Variants in PCDH15 observed in about 807,000 individuals in gnomAD.
PCDH15 encodes protocadherin related 15.
Under a neutral mutation model 178.5 loss-of-function variants are expected in PCDH15, and 129 were observed. The ratio of observed to expected loss-of-function variants is 0.72; its 90% CI spans 0.63 to 0.84. The LOEUF (loss-of-function observed/expected upper bound fraction) is 0.84, where lower values mean the gene tolerates loss of function less well. Among genes scored for constraint, PCDH15 ranks in the 40% least tolerant of loss-of-function variants. PCDH15 has a pLI of 0.00. For synonymous variants in PCDH15, 800 were observed against 732.0 expected, an observed-to-expected ratio of 1.09 and a Z score of -1.50; for missense variants, 2,230 against 2,099.9, an observed-to-expected ratio of 1.06 and a Z score of -1.21.
At chr10:53,913,701 G>A (rs1251386562) in intron 25 of PCDH15, among the ~76,000 whole-genome samples, 4 of 150,984 alleles carry the variant, frequency 2.6e-5, no homozygotes, top group African/African-American at 7.3e-5. Flanking sequence ...CCAAGATGGC[G>A]CCACTGCACT....
At chr10:54,210,318 GAA>G (rs1474824568) in intron 10 of PCDH15, among the ~76,000 whole-genome samples, 1 of 152,024 alleles carries the variant, frequency 6.6e-6, no homozygotes, top group Non-Finnish European at 1.5e-5. Flanking sequence ...TCAGCAGTCT[GAA>G]AAGATTTACT....
At chr10:54,481,262 C>G (rs1042888900) in intron 3 of PCDH15, among the ~76,000 whole-genome samples, 3 of 151,692 alleles carry the variant, frequency 2.0e-5, no homozygotes, top group Non-Finnish European at 4.4e-5. Context: ...AAAATTTTCT[C>G]TAATATATAT....
intron 4 of PCDH15, among the ~76,000 whole-genome samples, chr10:54,375,001 T>C (rs1035913019): frequency 1.3e-5 from 2 of 152,106 alleles, no homozygotes; most frequent in Non-Finnish European, 2.9e-5. Context: ...AGAGACAGTT[T>C]ATTGCCTCAA....
At chr10:54,193,147 C>G (rs1337292176) in intron 11 of PCDH15, among the ~76,000 whole-genome samples, 2 of 152,114 alleles carry the variant, frequency 1.3e-5, no homozygotes, top group Non-Finnish European at 2.9e-5. Flanking sequence ...GTTTTAGACC[C>G]CTGAGCTCTC....
intron 3 of PCDH15, among the ~76,000 whole-genome samples, chr10:54,837,755 T>C (rs1303363032): frequency 6.6e-6 from 1 of 152,108 alleles, no homozygotes; most frequent in Non-Finnish European, 1.5e-5. Context: ...AATGCCTTTG[T>C]GGAAGCTTTG....
At chr10:55,100,517 A>G (rs1459299035) in intron 2 of PCDH15, among the ~76,000 whole-genome samples, 1 of 152,130 alleles carries the variant, frequency 6.6e-6, no homozygotes, top group Middle Eastern at 3.2e-3. Flanking sequence ...TACAAAACAC[A>G]TGGCACCAGC....
chr10:55,433,259 T>C (rs1019370354), intron 2 of PCDH15, among the ~76,000 whole-genome samples: 1 of 152,186 alleles, frequency 6.6e-6, no homozygotes, highest in Admixed American at 6.5e-5. Flanking sequence ...CATTGAATAC[T>C]ACACAATCGT....
chr10:54,657,990 T>C (rs2094436578), intron 2 of PCDH15, among the ~76,000 whole-genome samples: 1 of 152,148 alleles, frequency 6.6e-6, no homozygotes, highest in Non-Finnish European at 1.5e-5. Context: ...ATTGAAAAAG[T>C]AACTAAAGGA....
chr10:55,433,415 A>G (rs1297791224), intron 2 of PCDH15, among the ~76,000 whole-genome samples: 1 of 152,160 alleles, frequency 6.6e-6, no homozygotes, highest in Admixed American at 6.5e-5. Flanking sequence ...ACCATGGCCC[A>G]CTTAAGGGCA....
chr10:55,442,709 T>G (rs1444907117), intron 2 of PCDH15, among the ~76,000 whole-genome samples: 1 of 151,672 alleles, frequency 6.6e-6, no homozygotes, highest in Non-Finnish European at 1.5e-5. Flanking sequence ...GATGCAAAAC[T>G]GCAAATGTTA....
intron 2 of PCDH15, among the ~76,000 whole-genome samples, chr10:55,074,567 G>C (rs1007623391): frequency 2.6e-5 from 4 of 151,866 alleles, no homozygotes; most frequent in African/African-American, 9.7e-5. Context: ...GTTGTTTATG[G>C]GGGTTTTTTT....
chr10:54,006,534 A>G (rs980671525), intron 20 of PCDH15, among the ~76,000 whole-genome samples: 3 of 152,034 alleles, frequency 2.0e-5, no homozygotes, highest in African/African-American at 7.2e-5. Flanking sequence ...GTCTGGGACA[A>G]CCTCCTGGTC....
intron 15 of PCDH15, among the ~76,000 whole-genome samples, chr10:54,125,152 T>G (rs542373410): frequency 1.9e-3 from 278 of 143,844 alleles, no homozygotes; most frequent in African/African-American, 7.9e-3. Context: ...AATGTGTGGT[T>G]TTTTTTTTCC....
chr10:54,539,766 T>C (rs2084997342), intron 2 of PCDH15, among the ~76,000 whole-genome samples: 1 of 152,118 alleles, frequency 6.6e-6, no homozygotes, highest in South Asian at 2.1e-4. Flanking sequence ...AGAAGGTCTT[T>C]CCATAAAACA....
rs184511864 is a variant in PCDH15, at chr10:55,312,668, A to C, written c.-156+6931T>G. The stretch of plus-strand genomic sequence containing the variant: ...GTTTCACTCTTGTTGCCCAGGCTGG[A>C]GCGCAATGGCACAATCTAGGCTCAC... On this transcript the variant is annotated intron_variant, in intron 1 of 5. Coordinates refer to the PCDH15 transcript ENST00000458638. 5.7e-4 allele frequency among the ~76,000 whole-genome samples: 87 copies of C among 151,744 alleles called. 1 individual carries two copies. The highest frequency in any genetic ancestry group is 1.9e-3 in the African/African-American group (80 of 41,354).
At chr10:55,454,944 C>T (rs1055937785) in intron 2 of PCDH15, among the ~76,000 whole-genome samples, 1 of 151,822 alleles carries the variant, frequency 6.6e-6, no homozygotes, top group African/African-American at 2.4e-5. Context: ...TACATATATA[C>T]ACACAAACAC....
chr10:53,809,613 G>C, intron 37 of PCDH15: 1 of 1,451,350 alleles, frequency 6.9e-7, no homozygotes, highest in Non-Finnish European at 9.4e-7. Flanking sequence ...CTTGTCCCAC[G>C]AAAGCTACGC....
At chr10:54,067,578 A>C (rs1255517505) in intron 17 of PCDH15, among the ~76,000 whole-genome samples, 2 of 152,156 alleles carry the variant, frequency 1.3e-5, no homozygotes, top group Non-Finnish European at 2.9e-5. Context: ...GACTATCTTC[A>C]TAAGTGATTC....
rs1009570041 is a variant in PCDH15 at position 54,262,298 on chromosome 10, G to A, written c.877-25367C>T. Among the ~76,000 whole-genome samples the A allele has an allele frequency of 3.9e-5, 6 of 152,062 alleles. No homozygotes were observed. In the South Asian group the frequency reaches 1.2e-3, roughly 32 times the overall value. The stretch of plus-strand genomic sequence containing the variant: ...CTATCTGCCAGGCTGGGAGTGAACC[G>A]TGCCTGGCCTGCTCACATGCCCAAG... On this transcript the variant is annotated intron_variant, in intron 8 of 37. Coordinates refer to ENST00000644397, the MANE Select transcript of PCDH15 (RefSeq NM_001384140.1).
Sources: gnomAD v4.1 joint callset for allele counts (sites outside exome capture counted in the v4.1 genomes callset) on GRCh38, gnomAD v4.1.1 for gene constraint, MANE v1.5 for transcripts, NCBI Gene and HGNC (gene_info 2026-07-23, HGNC 2026-07-21) for gene names.